Variants in PCID2 observed in about 807,000 individuals in gnomAD.
PCID2 encodes PCI domain containing 2, also known as PCI domain-containing protein 2.
A neutral mutation model predicts 61.3 loss-of-function variants in PCID2; 41 were observed. The observed-to-expected ratio is 0.67, with a 90% confidence interval of 0.52 to 0.87. The LOEUF (loss-of-function observed/expected upper bound fraction) is 0.87. Among genes scored for constraint, PCID2 ranks in the 40% least tolerant of loss-of-function variants. PCID2 has a pLI of 0.00. For synonymous variants in PCID2, 187 were observed against 177.8 expected (o/e 1.05, Z -0.41); for missense variants, 392 against 493.4 (o/e 0.79, Z 1.95).
At chr13:113,174,819 A>G (rs1244614663), downstream of PCID2, among the ~76,000 whole-genome samples, 1 of 152,226 alleles carries the variant, frequency 6.6e-6, no homozygotes, top group Non-Finnish European at 1.5e-5. Flanking sequence ...ACTAGTTCAC[A>G]CTTGGGCAGA....
intron 1 of PCID2, among the ~76,000 whole-genome samples, chr13:113,204,367 T>G (rs1337962297): frequency 6.6e-6 from 1 of 152,214 alleles, no homozygotes; most frequent in African/African-American, 2.4e-5. Flanking sequence ...GGAAGCATAC[T>G]TCAATGACTA....
At chr13:113,208,234 C>A in intron 1 of PCID2, 2 of 1,469,798 alleles carry the variant, frequency 1.4e-6, no homozygotes, top group Non-Finnish European at 9.0e-7. Flanking sequence ...CCATCCGACA[C>A]AGCACCGCCC....
intron 7 of PCID2, 141 bp from the exon 8 acceptor site, chr13:113,185,701 A>G (rs1443260219): frequency 1.1e-5 from 6 of 539,202 alleles, no homozygotes; most frequent in African/African-American, 1.9e-5. Flanking sequence ...TATTCATATC[A>G]AGTCATATTC....
chr13:113,172,310 T>C, the PCID2 span: 3 of 646,100 alleles, frequency 4.6e-6, no homozygotes, highest in Non-Finnish European at 8.1e-6. Flanking sequence ...TGGAACTCTT[T>C]ATCTCAATAG....
intron 7 of PCID2, among the ~76,000 whole-genome samples, chr13:113,189,761 G>A (rs981958621): frequency 2.7e-5 from 4 of 149,776 alleles, no homozygotes; most frequent in Non-Finnish European, 4.4e-5. Flanking sequence ...AGTGGCTCAC[G>A]CCTATAATCC....
chr13:113,195,932 A>G (rs1043004929), intron 5 of PCID2, among the ~76,000 whole-genome samples: 3 of 152,230 alleles, frequency 2.0e-5, no homozygotes, highest in African/African-American at 7.2e-5. Flanking sequence ...ATCTAGGGAA[A>G]TGGACATCTG....
Position 113,179,822 on chromosome 13 carries a change from C to G in PCID2, c.986+95G>C. 6 of 1,255,292 alleles carry G rather than the reference C, an allele frequency of 4.8e-6. No homozygotes were observed. Among genetic ancestry groups the G allele is most frequent in the Non-Finnish European group, 6.7e-6 (6 of 898,940 alleles). The allele number at this position is 1,255,292 out of a possible 1,614,324, so 77.8% of individuals were successfully genotyped here. A position where few individuals can be genotyped will look rare whatever the true frequency, so the allele number is the denominator to read the frequency against. On this transcript the variant is annotated intron_variant, in intron 12 of 13. Transcript: ENST00000337344. This position sits in a 1 kb window ranked among gnomAD's most constrained non-coding sequence, Gnocchi z 4.3. ...AAGGAAGATAACGACCCCACCCACA[C>G]GGTGGCCTTCTCTCTTAGACTGCAA...
intron 1 of PCID2, among the ~76,000 whole-genome samples, chr13:113,204,024 C>T (rs1009078350): frequency 6.6e-6 from 1 of 152,240 alleles, no homozygotes; most frequent in Non-Finnish European, 1.5e-5. Flanking sequence ...GGCTAGAAAG[C>T]GGTTCTGGAG....
At chr13:113,172,366 T>C in the PCID2 span, 2 of 502,516 alleles carry the variant, frequency 4.0e-6, no homozygotes, top group African/African-American at 3.9e-5. Flanking sequence ...TAAAATAAGA[T>C]AATCTGTCAG....
intron 1 of PCID2, among the ~76,000 whole-genome samples, chr13:113,207,056 C>G (rs1331947391): frequency 6.6e-6 from 1 of 152,202 alleles, no homozygotes; most frequent in Non-Finnish European, 1.5e-5. Context: ...CTCTCCAATC[C>G]CTCCCTGAAA....
At chr13:113,172,197 A>C in the PCID2 span, 1 of 1,523,020 alleles carries the variant, frequency 6.6e-7, no homozygotes, top group Non-Finnish European at 8.9e-7. Context: ...ACTTCATCAC[A>C]CACTGAGAGG....
At chr13:113,199,652 C>A (rs1354773005) in intron 2 of PCID2, among the ~76,000 whole-genome samples, 1 of 152,196 alleles carries the variant, frequency 6.6e-6, no homozygotes, top group Admixed American at 6.5e-5. Context: ...GGGCACCAGC[C>A]ATGGGGTGTT....
At position 113,190,998 on chromosome 13, in the gene PCID2, A is replaced by T. The variant is rs376035769; in HGVS notation, c.364-23T>A. 8.3e-6 allele frequency: 13 copies of T among 1,561,832 alleles called. No individual in the cohort carries two copies. The African/African-American group carries it at 1.6e-4, about 20-fold the overall frequency. ...TGCCTAATAAAATATAAGAACTTTTATTTCATTTTTCCGAAGCAAGATCTT... is the reference window on the plus strand; with the variant it reads ...TGCCTAATAAAATATAAGAACTTTTTTTTCATTTTTCCGAAGCAAGATCTT... On this transcript the variant is annotated intron_variant, in intron 6 of 13. Transcript: ENST00000337344.
At chr13:113,189,272 C>T (rs374847111) in intron 7 of PCID2, among the ~76,000 whole-genome samples, 9 of 152,248 alleles carry the variant, frequency 5.9e-5, no homozygotes, top group African/African-American at 2.2e-4. Context: ...CTTGTGCAAC[C>T]TGCAGAACTG....
At chr13:113,170,435 G>GA in the PCID2 span, 1 of 1,605,946 alleles carries the variant, frequency 6.2e-7, no homozygotes, top group African/African-American at 1.3e-5. Context: ...AATTCCGAAG[G>GA]AAAAGACTTC....
chr13:113,208,358 C>T, intron 1 of PCID2: 3 of 1,432,834 alleles, frequency 2.1e-6, no homozygotes, highest in Non-Finnish European at 2.7e-6. Flanking sequence ...TACACCGCGA[C>T]GACTCCGCGA....
chr13:113,195,170 A>G, intron 5 of PCID2, 45 bp from the exon 6 acceptor site: 1 of 1,208,844 alleles, frequency 8.3e-7, no homozygotes, highest in Non-Finnish European at 1.2e-6. Flanking sequence ...TACGTGGGCC[A>G]AGATTCCATC....
intron 9 of PCID2, 38 bp downstream of exon 9, chr13:113,184,308 T>C: frequency 6.4e-7 from 1 of 1,566,154 alleles, no homozygotes; most frequent in Non-Finnish European, 8.8e-7. Context: ...ATGCAATGTC[T>C]TATTTAAAAT....
intron 2 of PCID2, among the ~76,000 whole-genome samples, chr13:113,199,655 G>A (rs947609269): frequency 2.6e-5 from 4 of 152,160 alleles, no homozygotes; most frequent in African/African-American, 9.7e-5. Flanking sequence ...CACCAGCCAT[G>A]GGGTGTTCTG....
Sources: allele counts gnomAD v4.1 joint callset (sites outside exome capture counted in the v4.1 genomes callset), GRCh38; gene constraint gnomAD v4.1.1; non-coding constraint Gnocchi (gnomAD v3.1); transcripts MANE v1.5; gene names NCBI Gene and HGNC (gene_info 2026-07-23, HGNC 2026-07-21).